Variants in TCF7L1 observed in about 807,000 individuals in gnomAD.
TCF7L1 encodes transcription factor 7 like 1.
Under a neutral mutation model 63.7 loss-of-function variants are expected in TCF7L1, and 18 were observed. The ratio of observed to expected loss-of-function variants is 0.28; its 90% CI spans 0.20 to 0.42. The LOEUF is 0.42. TCF7L1 is among the 10% of genes least tolerant of loss of function. The pLI, the probability that TCF7L1 is intolerant of heterozygous loss-of-function variation, is 1.00. For missense variants in TCF7L1, 654 were observed against 779.3 expected, an observed-to-expected ratio of 0.84 and a Z score of 1.91; for synonymous variants, 355 against 340.9, an observed-to-expected ratio of 1.04 and a Z score of -0.46.
intron 4 of TCF7L1, among the ~76,000 whole-genome samples, chr2:85,286,287 G>A (rs569600715): frequency 1.5e-4 from 23 of 151,864 alleles, no homozygotes; most frequent in Non-Finnish European, 2.1e-4. Flanking sequence ...CCCAGGAGGT[G>A]GAAGTTGCAG....
chr2:85,174,251 T>A (rs1273112583), intron 3 of TCF7L1, among the ~76,000 whole-genome samples: 2 of 152,212 alleles, frequency 1.3e-5, no homozygotes, highest in African/African-American at 2.4e-5. Context: ...TCTTTGTGAT[T>A]GGTGTCTTTC....
intron 3 of TCF7L1, among the ~76,000 whole-genome samples, chr2:85,275,098 C>G (rs1358610463): frequency 6.6e-6 from 1 of 152,256 alleles, no homozygotes; most frequent in Non-Finnish European, 1.5e-5. Flanking sequence ...CACCTCAACA[C>G]GGTCGGCACT....
intron 3 of TCF7L1, among the ~76,000 whole-genome samples, chr2:85,261,492 C>T (rs983513503): frequency 2.6e-5 from 4 of 152,214 alleles, no homozygotes. Context: ...ATGATTCCAC[C>T]AGCAAGCATG....
At chr2:85,195,347 G>A (rs1679130833) in intron 3 of TCF7L1, among the ~76,000 whole-genome samples, 1 of 152,208 alleles carries the variant, frequency 6.6e-6, no homozygotes, top group Non-Finnish European at 1.5e-5. Flanking sequence ...CACTTTGGGA[G>A]GCTGAGGCAA....
intron 3 of TCF7L1, among the ~76,000 whole-genome samples, chr2:85,142,494 A>G (rs1018221858): frequency 6.7e-6 from 1 of 150,186 alleles, no homozygotes; most frequent in African/African-American, 2.4e-5. Flanking sequence ...ATATATATAT[A>G]TATACACACA....
At chr2:85,147,796 C>G (rs1338825808) in intron 3 of TCF7L1, among the ~76,000 whole-genome samples, 1 of 152,108 alleles carries the variant, frequency 6.6e-6, no homozygotes, top group East Asian at 1.9e-4. Context: ...TACTCCTGAC[C>G]AGCCCCACAT....
At chr2:85,290,706 CGAGT>C (rs980097194) in intron 4 of TCF7L1, among the ~76,000 whole-genome samples, 2 of 152,072 alleles carry the variant, frequency 1.3e-5, no homozygotes, top group African/African-American at 4.8e-5. Flanking sequence ...GTATATATAG[CGAGT>C]GAGTGAGTGA....
At chr2:85,235,574 C>T (rs1680171199) in intron 3 of TCF7L1, among the ~76,000 whole-genome samples, 1 of 152,092 alleles carries the variant, frequency 6.6e-6, no homozygotes, top group African/African-American at 2.4e-5. Context: ...CTAATCCCTA[C>T]CTGCAGCCCA....
intron 3 of TCF7L1, among the ~76,000 whole-genome samples, chr2:85,198,101 T>C (rs949993199): frequency 6.6e-6 from 1 of 152,212 alleles, no homozygotes; most frequent in Non-Finnish European, 1.5e-5. Flanking sequence ...CCTCAGATGG[T>C]CTACAAGCTT....
At chr2:85,222,293 A>G (rs533489183) in intron 3 of TCF7L1, among the ~76,000 whole-genome samples, 1 of 150,738 alleles carries the variant, frequency 6.6e-6, no homozygotes, top group South Asian at 2.1e-4. Context: ...GTGAGCCGAG[A>G]TTGGCCATTG....
chr2:85,284,887 A>C (rs1335588044), intron 4 of TCF7L1, among the ~76,000 whole-genome samples: 1 of 152,234 alleles, frequency 6.6e-6, no homozygotes, highest in Non-Finnish European at 1.5e-5. Flanking sequence ...CTCCTGCTAC[A>C]TAGGGGATTT....
At chr2:85,141,734 G>C (rs1177799270) in intron 3 of TCF7L1, among the ~76,000 whole-genome samples, 1 of 152,190 alleles carries the variant, frequency 6.6e-6, no homozygotes, top group Non-Finnish European at 1.5e-5. Context: ...AAGCAGGTAG[G>C]CTTCTTACTT....
At chr2:85,160,087 T>C (rs1678251829) in intron 3 of TCF7L1, among the ~76,000 whole-genome samples, 2 of 152,228 alleles carry the variant, frequency 1.3e-5, no homozygotes, top group Non-Finnish European at 2.9e-5. Flanking sequence ...TACAGAAAGA[T>C]TGAGTCTTTG....
intron 3 of TCF7L1, among the ~76,000 whole-genome samples, chr2:85,261,263 A>G (rs1680851683): frequency 6.6e-6 from 1 of 152,102 alleles, no homozygotes. Flanking sequence ...GTTAACTATA[A>G]TAACAAGGCC....
At chr2:85,214,610 C>T (rs913420748) in intron 3 of TCF7L1, among the ~76,000 whole-genome samples, 1 of 152,122 alleles carries the variant, frequency 6.6e-6, no homozygotes, top group Non-Finnish European at 1.5e-5. Context: ...TTGGCTGGGA[C>T]AGGATATGCA....
In TCF7L1 at chr2:85,133,894, C is replaced by G. The variant is rs1452530550; in HGVS notation, c.210C>G (p.Val70=). 6.6e-7 allele frequency: 1 copy of G among 1,521,806 alleles called. No homozygotes were observed. Among genetic ancestry groups the G allele is most frequent in the South Asian group, 1.3e-5 (1 of 79,546 alleles). 94.3% of individuals were successfully genotyped at this position (1,521,806 alleles called of 1,614,324 possible). A position where few individuals can be genotyped will look rare whatever the true frequency, so the allele number is the denominator to read the frequency against. The change falls in exon 1 of 12, where the codon GTC becomes GTG. Residue 70 remains valine (V), a synonymous_variant. Coordinates refer to ENST00000282111, the MANE Select transcript of TCF7L1 (RefSeq NM_031283.3). This position sits in a 1 kb window ranked among gnomAD's most constrained non-coding sequence, Gnocchi z 4.4. ...RDLDEVKSSL[V]NESENQSSSS... Reference sequence around the variant, plus strand: ...TAGACGAGGTCAAGTCGTCCCTGGTCAACGAGTCGGAGAACCAGAGCAGCA... The same window carrying G: ...TAGACGAGGTCAAGTCGTCCCTGGTGAACGAGTCGGAGAACCAGAGCAGCA...
At chr2:85,274,565 C>T (rs1465813480) in intron 3 of TCF7L1, among the ~76,000 whole-genome samples, 1 of 152,180 alleles carries the variant, frequency 6.6e-6, no homozygotes, top group African/African-American at 2.4e-5. Context: ...CCCTCCAACC[C>T]AGCTCTTGCC....
At chr2:85,152,176 C>T (rs2104206654) in intron 3 of TCF7L1, among the ~76,000 whole-genome samples, 1 of 152,312 alleles carries the variant, frequency 6.6e-6, no homozygotes, top group East Asian at 1.9e-4. Flanking sequence ...TACTCCAGCA[C>T]ACCTTGTACA....
At chr2:85,144,719 C>CTCTGTG (rs1553393493) in intron 3 of TCF7L1, among the ~76,000 whole-genome samples, 8 of 140,540 alleles carry the variant, frequency 5.7e-5, no homozygotes, top group African/African-American at 1.6e-4. Flanking sequence ...CTCTCTCTCT[C>CTCTGTG]TGTGTGTGTG....
Sources: allele counts gnomAD v4.1 joint callset (sites outside exome capture counted in the v4.1 genomes callset), GRCh38; gene constraint gnomAD v4.1.1; non-coding constraint Gnocchi (gnomAD v3.1); transcripts MANE v1.5; gene names NCBI Gene and HGNC (gene_info 2026-07-23, HGNC 2026-07-21).